The following NRXN1 variants were observed in gnomAD, a reference collection of about 807,000 sequenced individuals.
NRXN1 encodes neurexin-1.
Under a neutral mutation model 150.9 loss-of-function variants are expected in NRXN1, and 39 were observed. The observed-to-expected ratio is 0.26, with a 90% confidence interval of 0.20 to 0.34. The LOEUF is 0.34. Among genes scored for constraint, NRXN1 ranks in the 10% least tolerant of loss-of-function variants. The pLI is 1.00. For missense variants in NRXN1, 1,815 were observed against 1,949.9 expected, an observed-to-expected ratio of 0.93 and a Z score of 1.30; for synonymous variants, 924 against 757.0, an observed-to-expected ratio of 1.22 and a Z score of -3.62.
chr2:50,129,607 A>G (rs907813697), intron 18 of NRXN1, among the ~76,000 whole-genome samples: 3 of 152,230 alleles, frequency 2.0e-5, no homozygotes, highest in Non-Finnish European at 4.4e-5. Context: ...ATATAAAAAC[A>G]AAACTATTAA....
At chr2:50,242,480 T>A (rs535893021) in intron 17 of NRXN1, among the ~76,000 whole-genome samples, 1 of 151,934 alleles carries the variant, frequency 6.6e-6, no homozygotes, top group East Asian at 1.9e-4. Context: ...AAGGAATTAT[T>A]TCATGAAGCT....
intron 17 of NRXN1, 122 bp downstream of exon 17, chr2:50,465,320 A>T: frequency 1.1e-6 from 1 of 878,336 alleles, no homozygotes; most frequent in Non-Finnish European, 1.6e-6. Flanking sequence ...AACTGCTTCT[A>T]TGGGTTATGA....
intron 5 of NRXN1, among the ~76,000 whole-genome samples, chr2:50,803,780 G>T (rs1667137892): frequency 6.6e-6 from 1 of 152,110 alleles, no homozygotes; most frequent in African/African-American, 2.4e-5. Flanking sequence ...AAATGTTGGT[G>T]TAGCTCAGCA....
intron 5 of NRXN1, among the ~76,000 whole-genome samples, chr2:50,807,661 C>G (rs543707758): frequency 6.6e-6 from 1 of 152,222 alleles, no homozygotes; most frequent in East Asian, 1.9e-4. Context: ...GAACTCCTTT[C>G]CTTGCTCTGC....
intron 17 of NRXN1, among the ~76,000 whole-genome samples, chr2:50,247,556 GT>G (rs1307287024): frequency 6.6e-6 from 1 of 152,024 alleles, no homozygotes; most frequent in African/African-American, 2.4e-5. Context: ...CTCAGTTTTA[GT>G]TTTCCAAAAA....
intron 21 of NRXN1, among the ~76,000 whole-genome samples, chr2:50,010,653 C>T (rs984354888): frequency 1.3e-5 from 2 of 152,046 alleles, no homozygotes; most frequent in Non-Finnish European, 1.5e-5. Flanking sequence ...CTAAAATCCC[C>T]TCTCTCTGGT....
At chr2:50,300,828 C>T (rs762774435) in intron 17 of NRXN1, among the ~76,000 whole-genome samples, 93 of 152,134 alleles carry the variant, frequency 6.1e-4, no homozygotes, top group Admixed American at 9.8e-4. Flanking sequence ...CCTGAGTAGC[C>T]GGGATTACAG....
intron 5 of NRXN1, among the ~76,000 whole-genome samples, chr2:50,803,191 T>C (rs1367983482): frequency 2.6e-5 from 4 of 152,218 alleles, no homozygotes; most frequent in Non-Finnish European, 4.4e-5. Context: ...TGATTACATT[T>C]ACATACAATT....
intron 21 of NRXN1, among the ~76,000 whole-genome samples, chr2:49,944,233 T>C (rs912552856): frequency 6.6e-6 from 1 of 152,228 alleles, no homozygotes; most frequent in Non-Finnish European, 1.5e-5. Flanking sequence ...TATGTAGAGT[T>C]TGATGAATCT....
intron 5 of NRXN1, among the ~76,000 whole-genome samples, chr2:50,846,727 G>C (rs1009321093): frequency 2.0e-5 from 3 of 152,142 alleles, no homozygotes; most frequent in African/African-American, 7.2e-5. Context: ...AAAAATATGA[G>C]TGATTTATGA....
chr2:50,878,683 A>G (rs1241557411), intron 5 of NRXN1, among the ~76,000 whole-genome samples: 2 of 151,954 alleles, frequency 1.3e-5, no homozygotes, highest in African/African-American at 4.8e-5. Flanking sequence ...CCTTATGCCA[A>G]CCACAGAATA....
chr2:50,535,177 C>T (rs1344670620), intron 10 of NRXN1, among the ~76,000 whole-genome samples: 6 of 152,184 alleles, frequency 3.9e-5, no homozygotes, highest in Admixed American at 3.3e-4. Flanking sequence ...AACATTCTGA[C>T]ATTTGAAGGT....
intron 8 of NRXN1, among the ~76,000 whole-genome samples, chr2:50,569,100 T>C (rs1670279877): frequency 6.6e-6 from 1 of 151,990 alleles, no homozygotes; most frequent in Non-Finnish European, 1.5e-5. Context: ...TTAAAACAAT[T>C]GAATTCATAG....
Position 50,119,269 on chromosome 2 carries a change from T to C in NRXN1, c.3547-27775A>G, listed in dbSNP as rs542172069. 4.7e-4 allele frequency among the ~76,000 whole-genome samples: 71 copies of C among 152,294 alleles called. No homozygotes were observed. In the South Asian group the frequency reaches 0.014, roughly 30 times the overall value. On this transcript the variant is annotated intron_variant, in intron 18 of 22. Coordinates refer to ENST00000401669, the MANE Select transcript of NRXN1 (RefSeq NM_001330078.2). ...ATTGAAAATCTTTTAAAAATAATTT[T>C]AAGAAAAGAATGTAAACAATAGAAA...
chr2:50,515,621 G>A (rs2105077841), intron 12 of NRXN1, among the ~76,000 whole-genome samples: 1 of 151,838 alleles, frequency 6.6e-6, no homozygotes, highest in Non-Finnish European at 1.5e-5. Context: ...GTGTGTGTGT[G>A]TGTGTGTGTG....
chr2:50,310,877 C>T (rs1300371113), intron 17 of NRXN1, among the ~76,000 whole-genome samples: 4 of 152,074 alleles, frequency 2.6e-5, no homozygotes, highest in African/African-American at 9.7e-5. Context: ...TTATAATTAC[C>T]ATGTGGTAGA....
At chr2:50,944,281 C>T (rs1446113142) in intron 2 of NRXN1, among the ~76,000 whole-genome samples, 1 of 152,108 alleles carries the variant, frequency 6.6e-6, no homozygotes. Flanking sequence ...ATGGGTATAA[C>T]TCTCCTGGTG....
chr2:50,996,995 A>G (rs1699398752), intron 2 of NRXN1, among the ~76,000 whole-genome samples: 1 of 151,988 alleles, frequency 6.6e-6, no homozygotes, highest in African/African-American at 2.4e-5. Context: ...AATATGAGTC[A>G]ATGACAATTT....
At chr2:50,373,294 T>TATTATTA (rs565617688) in intron 17 of NRXN1, among the ~76,000 whole-genome samples, 1 of 140,412 alleles carries the variant, frequency 7.1e-6, no homozygotes, top group African/African-American at 2.7e-5. Context: ...TATTTTATTT[T>TATTATTA]TTATTATTAT....
Sources: gnomAD v4.1 joint callset for allele counts (sites outside exome capture counted in the v4.1 genomes callset) on GRCh38, gnomAD v4.1.1 for gene constraint, MANE v1.5 for transcripts, NCBI Gene and HGNC (gene_info 2026-07-23, HGNC 2026-07-21) for gene names.